Variants in PINX1 observed in about 807,000 individuals in gnomAD.
The protein encoded by PINX1 is PIN2 (TERF1) interacting telomerase inhibitor 1.
PINX1 carries 34 observed loss-of-function variants against 25.4 expected under a neutral mutation model. The ratio of observed to expected loss-of-function variants is 1.34; its 90% confidence interval spans 1.02 to 1.78. The LOEUF (loss-of-function observed/expected upper bound fraction) is 1.78, where lower values mean the gene tolerates loss of function less well. Among genes scored for constraint, PINX1 ranks in the 40% most tolerant of loss-of-function variants. The pLI, the probability that PINX1 is intolerant of heterozygous loss-of-function variation, is 0.00. For synonymous variants in PINX1, 197 were observed against 147.7 expected (o/e 1.33, Z -2.42); for missense variants, 592 against 404.9 (o/e 1.46, Z -3.97).
intron 6 of PINX1, among the ~76,000 whole-genome samples, chr8:10,789,864 T>G (rs1801868593): frequency 1.3e-5 from 2 of 152,182 alleles, no homozygotes; most frequent in Admixed American, 6.5e-5. Flanking sequence ...TTCCCCCTTC[T>G]TCCTAATGTA....
At chr8:10,830,529 A>C (rs1422921750) in intron 4 of PINX1, among the ~76,000 whole-genome samples, 4 of 152,208 alleles carry the variant, frequency 2.6e-5, no homozygotes, top group Non-Finnish European at 5.9e-5. Context: ...ATTTCACTCC[A>C]CAAAATTCTT....
chr8:10,831,887 G>A (rs570053993), intron 3 of PINX1, 144 bp from the exon 4 acceptor site: 266 of 621,076 alleles, frequency 4.3e-4, no homozygotes, highest in Non-Finnish European at 5.3e-4. Flanking sequence ...ATAAATTTAA[G>A]TGGATTCAAG....
chr8:10,773,112 T>G (rs542274467), intron 6 of PINX1, among the ~76,000 whole-genome samples: 3 of 152,218 alleles, frequency 2.0e-5, no homozygotes, highest in South Asian at 4.1e-4. Flanking sequence ...GCTAAGTAAA[T>G]ATTTACTGAA....
chr8:10,819,537 G>A (rs183178827), intron 6 of PINX1, among the ~76,000 whole-genome samples: 10 of 152,136 alleles, frequency 6.6e-5, no homozygotes, highest in African/African-American at 2.2e-4. Flanking sequence ...CTATATCCAG[G>A]GCTGTCTCTT....
rs77020478 is a variant in PINX1, at chr8:10,780,533, C to T, written c.472-14617G>A. Among the ~76,000 whole-genome samples the T allele has an allele frequency of 6.9e-3, 1,052 of 152,032 alleles. 9 individuals carry two copies. The highest frequency in any genetic ancestry group is 0.022 in the African/African-American group (932 of 41,444). ...GACTGACTTACACAGTTAAACCAGC[C>T]TTGCACGCCAAGGATAAATCCCAAA... On this transcript the variant is annotated intron_variant, in intron 6 of 6. Coordinates refer to ENST00000314787, the MANE Select transcript of PINX1 (RefSeq NM_017884.6).
At chr8:10,797,989 G>GC (rs1284701429) in intron 6 of PINX1, among the ~76,000 whole-genome samples, 2 of 152,140 alleles carry the variant, frequency 1.3e-5, no homozygotes, top group Non-Finnish European at 2.9e-5. Context: ...CAGAAATAAA[G>GC]CAAGTATTCT....
intron 5 of PINX1, among the ~76,000 whole-genome samples, chr8:10,821,523 G>A (rs969386990): frequency 1.3e-5 from 2 of 151,956 alleles, no homozygotes; most frequent in African/African-American, 4.8e-5. Flanking sequence ...TGATTAAATA[G>A]GACCTACACA....
At chr8:10,812,858 G>A (rs1460422151) in intron 6 of PINX1, among the ~76,000 whole-genome samples, 1 of 152,208 alleles carries the variant, frequency 6.6e-6, no homozygotes, top group African/African-American at 2.4e-5. Flanking sequence ...CAGGACAGGT[G>A]CGACCAGACA....
chr8:10,783,963 T>C (rs1202201303), intron 6 of PINX1, among the ~76,000 whole-genome samples: 1 of 152,202 alleles, frequency 6.6e-6, no homozygotes, highest in Non-Finnish European at 1.5e-5. Context: ...CAGCTGATTT[T>C]ATTCACTAAT....
At chr8:10,767,819 G>C (rs866633041) in intron 6 of PINX1, among the ~76,000 whole-genome samples, 64 of 84,348 alleles carry the variant, frequency 7.6e-4, no homozygotes, top group African/African-American at 3.3e-3. Flanking sequence ...AGACAGGCTC[G>C]GTGACCAGGC....
At position 10,765,161 on chromosome 8, in the gene PINX1, A is replaced by T. The variant is rs755303302; in HGVS notation, c.*240T>A. 1 of 514,412 alleles carries T rather than the reference A, an allele frequency of 1.9e-6. No individual in the cohort carries two copies. Among genetic ancestry groups the T allele is most frequent in the Admixed American group, 3.7e-5 (1 of 27,210 alleles). 31.9% of individuals were successfully genotyped at this position (514,412 alleles called of 1,614,324 possible). ...ATTAAACTCTCTTGCTGAAGGGCTC[A>T]GAGTTTACAAAAAAATTTATTTGTG... is the stretch of plus-strand genomic sequence containing the variant. On this transcript the variant is annotated 3_prime_UTR_variant, in exon 7 of 7. Transcript: ENST00000314787.
chr8:10,765,942 G>A lies in PINX1; in HGVS notation c.472-26C>T, dbSNP rs759713644. 4 of 1,606,036 alleles carry A rather than the reference G, an allele frequency of 2.5e-6. No homozygotes were observed. The Admixed American group carries it at 5.1e-5, about 20-fold the overall frequency. ...CTATGGTGGGCAGAAGAGTTAAAAGGCAGGTAAGCATCAACTGTTCATCCC... is the reference window on the plus strand; with the variant it reads ...CTATGGTGGGCAGAAGAGTTAAAAGACAGGTAAGCATCAACTGTTCATCCC... On this transcript the variant is annotated intron_variant, in intron 6 of 6. Coordinates refer to ENST00000314787, the MANE Select transcript of PINX1 (RefSeq NM_017884.6).
intron 6 of PINX1, among the ~76,000 whole-genome samples, chr8:10,817,320 A>G (rs1200818359): frequency 6.6e-6 from 1 of 152,146 alleles, no homozygotes; most frequent in Non-Finnish European, 1.5e-5. Context: ...AACATACAAC[A>G]TTCCCGCCAA....
intron 6 of PINX1, among the ~76,000 whole-genome samples, chr8:10,813,279 C>T (rs1045646457): frequency 6.6e-6 from 1 of 152,066 alleles, no homozygotes; most frequent in Non-Finnish European, 1.5e-5. Flanking sequence ...CTCCTATAAA[C>T]CCCTCTTGAA....
intron 6 of PINX1, among the ~76,000 whole-genome samples, chr8:10,807,332 C>CCA (rs1554490797): frequency 3.1e-5 from 3 of 95,864 alleles, no homozygotes; most frequent in African/African-American, 4.2e-5. Flanking sequence ...CCCCCACCCC[C>CCA]CCCCCCACCA....
Position 10,803,495 on chromosome 8 carries a change from A to G in PINX1, c.471+16698T>C, listed in dbSNP as rs113937566. On this transcript the variant is annotated intron_variant, in intron 6 of 6. Coordinates refer to ENST00000314787, the MANE Select transcript of PINX1 (RefSeq NM_017884.6). ...ACACCCTATTCTTTCCCACAATCCC[A>G]TATTTTTTTCATTCCACTGACTTAT... Among the ~76,000 whole-genome samples the G allele has an allele frequency of 9.1e-3, 1,380 of 151,604 alleles. 12 individuals carry two copies. Among genetic ancestry groups the G allele is most frequent in the South Asian group, 0.034 (163 of 4,822 alleles).
intron 1 of PINX1, among the ~76,000 whole-genome samples, chr8:10,838,350 T>C (rs1001293547): frequency 2.6e-5 from 4 of 152,230 alleles, no homozygotes; most frequent in Admixed American, 6.5e-5. Context: ...GGAATAACGT[T>C]GGGAAGAGGA....
At chr8:10,811,735 G>T (rs959401647) in intron 6 of PINX1, among the ~76,000 whole-genome samples, 1 of 152,138 alleles carries the variant, frequency 6.6e-6, no homozygotes, top group South Asian at 2.1e-4. Flanking sequence ...CCTGGGCACC[G>T]GGCCTCCTCA....
At chr8:10,810,053 T>C (rs1802579012) in intron 6 of PINX1, among the ~76,000 whole-genome samples, 2 of 152,132 alleles carry the variant, frequency 1.3e-5, no homozygotes, top group African/African-American at 4.8e-5. Flanking sequence ...GCCAGGCTCT[T>C]AAACAACCAG....
Sources: gnomAD v4.1 joint callset for allele counts (sites outside exome capture counted in the v4.1 genomes callset) on GRCh38, gnomAD v4.1.1 for gene constraint, MANE v1.5 for transcripts, NCBI Gene and HGNC (gene_info 2026-07-23, HGNC 2026-07-21) for gene names.